Variants in TEX15 observed in about 807,000 individuals in gnomAD.
TEX15 encodes testis-expressed protein 15.
Under a neutral mutation model 237.3 loss-of-function variants are expected in TEX15, and 171 were observed. That is an observed-to-expected ratio of 0.72 (90% confidence interval 0.64 to 0.82). The LOEUF (loss-of-function observed/expected upper bound fraction) is 0.82. Ranked by LOEUF, TEX15 falls within the 40% of genes least tolerant of loss-of-function variation. The probability of loss-of-function intolerance (pLI) is 0.00; values close to 1 mark genes in which losing one functional copy is unlikely to be tolerated. For synonymous variants in TEX15, 1,338 were observed against 1,269.8 expected (o/e 1.05, Z -1.14); for missense variants, 3,750 against 3,646.5 (o/e 1.03, Z -0.73).
chr8:30,848,899 C>A lies in TEX15; in HGVS notation c.1268G>T (p.Ser423Ile), dbSNP rs773031858. The A allele has an allele frequency of 5.6e-6, 9 of 1,614,106 alleles. No homozygotes were observed. Among genetic ancestry groups the A allele is most frequent in the Non-Finnish European group, 7.6e-6 (9 of 1,180,010 alleles). ...GATGGATTTTGAAGTAGTGACTGTG[C>A]TTGAGCCAGTATTGTTGTGAAGAGG... ...SFPLHNNTGS[S>I]TVTTSKSIKD... Residue 423 changes from serine to isoleucine, a missense_variant, in exon 8 of 11, where the codon AGC becomes ATC. Physicochemically the swap from Ser to Ile is moderately radical, Grantham distance 142. Coordinates refer to ENST00000643185, the MANE Select transcript of TEX15 (RefSeq NM_001350162.2).
rs1807541429 is a variant in TEX15 at position 30,844,398 on chromosome 8, C to T, written c.5769G>A (p.Glu1923=). ...NTVSNPLNKR[E]KKGEIKVSKD... is the part of the protein sequence containing the mutation. ...TACTAACTTTAATTTCCCCCTTCTT[C>T]TCTCTTTTGTTAAGCGGATTAGAAA... Residue 1923 remains glutamate (E), a synonymous_variant, in exon 8 of 11, where the codon GAG becomes GAA. Transcript: ENST00000643185. The T allele has an allele frequency of 6.2e-7, 1 of 1,610,234 alleles. No individual in the cohort carries two copies. The highest frequency in any genetic ancestry group is 1.3e-5 in the African/African-American group (1 of 74,666).
intron 3 of TEX15, 190 bp downstream of exon 3, chr8:30,886,977 T>G: frequency 2.2e-6 from 1 of 453,318 alleles, no homozygotes; most frequent in Non-Finnish European, 3.7e-6. Flanking sequence ...TAGGTGTACT[T>G]AGTGGGAAGG....
Position 30,837,081 on chromosome 8 carries a change from T to A in TEX15, c.9203A>T (p.Glu3068Val). 6.2e-7 allele frequency: 1 copy of A among 1,614,170 alleles called. No individual in the cohort carries two copies. The highest frequency in any genetic ancestry group is 8.5e-7 in the Non-Finnish European group (1 of 1,180,034). The part of the protein sequence containing the change: ...TQTYQGITSY[E>V]VQPSPSGLLT... ...CAGCCCAGAAGGAGATGGCTGTACT[T>A]CATATGATGTTATCCCTTGGTATGT... The change falls in exon 10 of 11, where the codon GAA (glutamate) becomes GTA (valine). Residue 3068 changes from glutamate to valine, a missense_variant. Coordinates refer to ENST00000643185, the MANE Select transcript of TEX15 (RefSeq NM_001350162.2).
Position 30,842,846 on chromosome 8 carries a change from C to T in TEX15, c.7321G>A (p.Ala2441Thr). The change falls in exon 8 of 11, where the codon GCT (alanine) becomes ACT (threonine). Residue 2441 changes from alanine (A) to threonine (T), a missense_variant. Transcript: ENST00000643185. Reference protein sequence around the residue: ...SHEAIILKPEAIEMYIEIVMV... With the variant: ...SHEAIILKPETIEMYIEIVMV... ...ACGATTTCAATATACATTTCAATAG[C>T]TTCAGGCTTTAAAATGATAGCCTCA... 1 of 1,612,542 alleles carries T rather than the reference C, an allele frequency of 6.2e-7. No individual in the cohort carries two copies. Among genetic ancestry groups the T allele is most frequent in the Non-Finnish European group, 8.5e-7 (1 of 1,179,110 alleles).
chr8:30,908,000 C>T (rs1363255135), intron 1 of TEX15, among the ~76,000 whole-genome samples: 1 of 152,074 alleles, frequency 6.6e-6, no homozygotes, highest in Non-Finnish European at 1.5e-5. Context: ...CAGCCTTGAC[C>T]TCTCAGGCTC....
At chr8:30,907,425 C>G (rs1809124873) in intron 1 of TEX15, among the ~76,000 whole-genome samples, 1 of 117,232 alleles carries the variant, frequency 8.5e-6, no homozygotes, top group African/African-American at 4.2e-5. Flanking sequence ...GCCAGGATGC[C>G]TGGCTAATTT....
chr8:30,838,021 G>GTA lies in TEX15; in HGVS notation c.8261_8262dup (p.Pro2755TyrfsTer8), dbSNP rs1563228357. On this transcript the variant is annotated frameshift_variant, in exon 10 of 11. Coordinates refer to ENST00000643185, the MANE Select transcript of TEX15 (RefSeq NM_001350162.2). LOFTEE classifies it high-confidence loss of function. ...CTTTTCAGACTGTCACATGAACTTG[G>GTA]TACTATTTTGTTTTCGCTTTTGGGA... 1 of 1,613,006 alleles carries GTA rather than the reference G, an allele frequency of 6.2e-7. No individual in the cohort carries two copies. The highest frequency in any genetic ancestry group is 8.5e-7 in the Non-Finnish European group (1 of 1,179,758).
At position 30,837,405 on chromosome 8, in the gene TEX15, T is replaced by A. The variant is rs757945291; in HGVS notation, c.8879A>T (p.Glu2960Val). Residue 2960 changes from glutamate (E) to valine (V), a missense_variant, in exon 10 of 11, where the codon GAG becomes GTG. Glu to Val is a moderately radical substitution (Grantham distance 121). Transcript: ENST00000643185. ...QINKLQPTET[E>V]SEDKYMKDTL... ...ATCCTTCATGTATTTGTCCTCTGACTCAGTTTCTGTAGGCTGTAGTTTGTT... is the reference window on the plus strand; with the variant it reads ...ATCCTTCATGTATTTGTCCTCTGACACAGTTTCTGTAGGCTGTAGTTTGTT... 1.6e-5 allele frequency: 26 copies of A among 1,614,176 alleles called. No homozygotes were observed. Among genetic ancestry groups the A allele is most frequent in the Non-Finnish European group, 2.2e-5 (26 of 1,180,004 alleles).
rs543536221 is a variant in TEX15, at chr8:30,881,773, C to T, written c.136+5394G>A. On this transcript the variant is annotated intron_variant, in intron 3 of 10. Coordinates refer to ENST00000643185, the MANE Select transcript of TEX15 (RefSeq NM_001350162.2). ...AGTAGCTGGGATTACAGGCGCATAC[C>T]GCCATGCCTGGCTAATTTTTTGTAT... Among the ~76,000 whole-genome samples, 13 of 152,012 alleles carry T rather than the reference C, an allele frequency of 8.6e-5. No individual in the cohort carries two copies. The South Asian group carries it at 2.7e-3, about 32-fold the overall frequency.
At position 30,844,969 on chromosome 8, in the gene TEX15, G is replaced by A. The variant is rs147486887; in HGVS notation, c.5198C>T (p.Ser1733Leu). Residue 1733 changes from serine (S) to leucine (L), a missense_variant, in exon 8 of 11, where the codon TCA (serine) becomes TTA (leucine). Physicochemically the swap from Ser to Leu is moderately radical, Grantham distance 145. Transcript: ENST00000643185. ...AAVTDSEGES[S>L]KSYLDKQRIL... The stretch of plus-strand genomic sequence containing the variant: ...TCTCTGCTTATCCAAGTAAGATTTT[G>A]AAGATTCTCCCTCACTATCTGTCAC... 330 of 1,613,424 alleles carry A rather than the reference G, an allele frequency of 2.0e-4. No individual in the cohort carries two copies. Among genetic ancestry groups the A allele is most frequent in the Non-Finnish European group, 2.6e-4 (305 of 1,179,566 alleles).
chr8:30,873,113 T>A (rs569433381), intron 4 of TEX15, among the ~76,000 whole-genome samples: 1 of 152,160 alleles, frequency 6.6e-6, no homozygotes, highest in Non-Finnish European at 1.5e-5. Context: ...TTCCTGTCAT[T>A]AAGCAACGTG....
chr8:30,846,617 G>C lies in TEX15; in HGVS notation c.3550C>G (p.His1184Asp), dbSNP rs745526405. 9.9e-6 allele frequency: 16 copies of C among 1,613,844 alleles called. No homozygotes were observed. The South Asian group carries it at 1.4e-4, about 14-fold the overall frequency. ...TCCGGTTTTGTGGCTTCAGTTACAT[G>C]TGTGCAAAAACTATCTTTCAATGCA... ...SLALKDSFCT[H>D]VTEATKPEIN... The change falls in exon 8 of 11, where the codon CAT (histidine) becomes GAT (aspartate). Residue 1184 changes from histidine (H) to aspartate (D), a missense_variant. By Grantham distance (81) the His-to-Asp change is moderately conservative. Coordinates refer to ENST00000643185, the MANE Select transcript of TEX15 (RefSeq NM_001350162.2).
rs1164084535 is a variant in TEX15 at position 30,860,018 on chromosome 8, C to A, written c.580G>T (p.Asp194Tyr). The A allele has an allele frequency of 4.7e-6, 7 of 1,498,992 alleles. No individual in the cohort carries two copies. The highest frequency in any genetic ancestry group is 6.2e-6 in the Non-Finnish European group (7 of 1,133,916). The allele number at this position is 1,498,992 out of a possible 1,614,324, so 92.9% of individuals were successfully genotyped here. Residue 194 changes from aspartate to tyrosine, a missense_variant, in exon 6 of 11, where the codon GAT becomes TAT. Physicochemically the swap from Asp to Tyr is radical, Grantham distance 160. Transcript: ENST00000643185. ...GGATCCAAAGAAACTTTATTTTTAT[C>A]CACAGAAGGTTGGATTTTCTTCACT... Reference protein sequence around the residue: ...GKVKKIQPSVDKNKVSLDPSP... With the variant: ...GKVKKIQPSVYKNKVSLDPSP...
chr8:30,880,779 C>T (rs1368011163), intron 3 of TEX15, among the ~76,000 whole-genome samples: 2 of 127,674 alleles, frequency 1.6e-5, no homozygotes, highest in African/African-American at 6.1e-5. Context: ...GCAGATTTTT[C>T]AGCTGTGTGT....
Position 30,843,856 on chromosome 8 carries a change from C to A in TEX15, c.6311G>T (p.Trp2104Leu). 6.2e-7 allele frequency: 1 copy of A among 1,612,322 alleles called. No homozygotes were observed. The highest frequency in any genetic ancestry group is 8.5e-7 in the Non-Finnish European group (1 of 1,179,248). The part of the protein sequence containing the change: ...EGEPTLRSLL[W>L]YDETLYAELL... ...CTCAGCATACAGTGTTTCATCATAC[C>A]AAAGCAAGCTTCGCAATGTTGGTTC... Residue 2104 changes from tryptophan (W) to leucine (L), a missense_variant, in exon 8 of 11, where the codon TGG (tryptophan) becomes TTG (leucine). Physicochemically the swap from Trp to Leu is moderately conservative, Grantham distance 61. Transcript: ENST00000643185.
At chr8:30,907,218 C>T (rs183150968) in intron 1 of TEX15, among the ~76,000 whole-genome samples, 3 of 152,252 alleles carry the variant, frequency 2.0e-5, no homozygotes, top group Non-Finnish European at 2.9e-5. Context: ...GCAATCATGG[C>T]TCATTGTGTG....
At chr8:30,904,909 T>G (rs1173785495) in intron 1 of TEX15, among the ~76,000 whole-genome samples, 1 of 152,112 alleles carries the variant, frequency 6.6e-6, no homozygotes, top group Non-Finnish European at 1.5e-5. Context: ...TGTAATGGAG[T>G]TATGCCCAGA....
At chr8:30,903,690 A>G (rs527771267) in intron 1 of TEX15, among the ~76,000 whole-genome samples, 1 of 152,350 alleles carries the variant, frequency 6.6e-6, no homozygotes, top group African/African-American at 2.4e-5. Flanking sequence ...TTTTCAGCCC[A>G]AGCATTAAAT....
chr8:30,852,270 T>TA (rs1807805496), intron 7 of TEX15, among the ~76,000 whole-genome samples: 1 of 151,862 alleles, frequency 6.6e-6, no homozygotes, highest in Non-Finnish European at 1.5e-5. Context: ...CACGCCTGGC[T>TA]AATTTTTTGT....
Sources: allele counts gnomAD v4.1 joint callset (sites outside exome capture counted in the v4.1 genomes callset), GRCh38; gene constraint gnomAD v4.1.1; transcripts MANE v1.5; gene names NCBI Gene and HGNC (gene_info 2026-07-23, HGNC 2026-07-21).